The following PRDM16 variants were observed in gnomAD, a reference collection of about 807,000 sequenced individuals.
PRDM16 encodes the protein PR/SET domain 16, also known as histone-lysine N-methyltransferase PRDM16.
PRDM16 carries 23 observed loss-of-function variants against 110.6 expected under a neutral mutation model. The observed-to-expected ratio is 0.21, with a 90% CI of 0.15 to 0.29. The LOEUF (loss-of-function observed/expected upper bound fraction) is 0.29, where lower values mean the gene tolerates loss of function less well. Ranked by LOEUF, PRDM16 falls within the 10% of genes least tolerant of loss-of-function variation. The probability of loss-of-function intolerance (pLI) is 1.00; values close to 1 mark genes in which losing one functional copy is unlikely to be tolerated. For missense variants in PRDM16, 1,615 were observed against 1,794.3 expected, an observed-to-expected ratio of 0.90 and a Z score of 1.81; for synonymous variants, 799 against 781.8, an observed-to-expected ratio of 1.02 and a Z score of -0.37.
At chr1:3,364,935 G>A (rs978688861) in intron 3 of PRDM16, among the ~76,000 whole-genome samples, 6 of 152,202 alleles carry the variant, frequency 3.9e-5, no homozygotes, top group Admixed American at 1.3e-4. Context: ...GTGTGTGTAC[G>A]CCGTCCCTCA....
Position 3,255,967 on chromosome 1 carries a change from C to T in PRDM16, c.438+11830C>T, listed in dbSNP as rs372059691. Among the ~76,000 whole-genome samples the T allele has an allele frequency of 9.2e-5, 14 of 152,236 alleles. No homozygotes were observed. Among genetic ancestry groups the T allele is most frequent in the South Asian group, 2.1e-4 (1 of 4,818 alleles). The stretch of plus-strand genomic sequence containing the variant: ...CAACAGTACAGGGTGGAACGAGCTC[C>T]GCCTCTCAGGGGAGGGACAGGATTA... On this transcript the variant is annotated intron_variant, in intron 3 of 16. Coordinates refer to ENST00000270722, the MANE Select transcript of PRDM16 (RefSeq NM_022114.4). The surrounding 1 kb of genome is among the most constrained non-coding windows in gnomAD (Gnocchi z 4.7).
At chr1:3,104,426 AG>A (rs571091410) in intron 1 of PRDM16, among the ~76,000 whole-genome samples, 1 of 152,196 alleles carries the variant, frequency 6.6e-6, no homozygotes, top group South Asian at 2.1e-4. Context: ...TCCAGTGAAC[AG>A]GCAGAGGCTG....
chr1:3,233,891 TAA>T (rs35006296), intron 2 of PRDM16, among the ~76,000 whole-genome samples: 5 of 144,202 alleles, frequency 3.5e-5, no homozygotes, highest in African/African-American at 5.1e-5. Flanking sequence ...GGGGTTTTTT[TAA>T]AAAAAAAAAA....
intron 1 of PRDM16, among the ~76,000 whole-genome samples, chr1:3,092,766 G>A (rs1642306955): frequency 6.6e-6 from 1 of 152,130 alleles, no homozygotes; most frequent in Admixed American, 6.5e-5. Flanking sequence ...GGGTCTCCCG[G>A]CAGCTCTAGG....
In PRDM16 at chr1:3,069,595, T is replaced by G. The variant is rs572958176; in HGVS notation, c.37+299T>G. Among the ~76,000 whole-genome samples, 2 of 144,382 alleles carry G rather than the reference T, an allele frequency of 1.4e-5. No individual in the cohort carries two copies. The highest frequency in any genetic ancestry group is 1.5e-5 in the Non-Finnish European group (1 of 65,082). The allele number at this position is 144,382 out of a possible 152,430, so 94.7% of individuals were successfully genotyped here. A position where few individuals can be genotyped will look rare whatever the true frequency, so the allele number is the denominator to read the frequency against. ...GGGCCCGGGAACCCGAGGCGCGCGG[T>G]GGGGGCCGGGGAGGGGGGCGGAGGG... is the stretch of plus-strand genomic sequence containing the variant. On this transcript the variant is annotated intron_variant, in intron 1 of 16. Transcript: ENST00000270722. This position sits in a 1 kb window ranked among gnomAD's most constrained non-coding sequence, Gnocchi z 6.1.
chr1:3,341,349 G>T (rs935672331), intron 3 of PRDM16, among the ~76,000 whole-genome samples: 3 of 152,222 alleles, frequency 2.0e-5, no homozygotes, highest in African/African-American at 7.2e-5. Flanking sequence ...CCTGGGCCTT[G>T]TGGTTGCAGC....
chr1:3,203,643 C>T (rs1638683645), intron 2 of PRDM16, among the ~76,000 whole-genome samples: 3 of 152,206 alleles, frequency 2.0e-5, no homozygotes, highest in Middle Eastern at 3.2e-3. Flanking sequence ...ACGGTGCCCT[C>T]GAGGCCTCTG....
intron 3 of PRDM16, among the ~76,000 whole-genome samples, chr1:3,360,032 G>A (rs774049681): frequency 9.3e-5 from 13 of 140,382 alleles, no homozygotes; most frequent in African/African-American, 1.3e-4. Flanking sequence ...TCCCGTTAGC[G>A]GGCCGCCATC....
At chr1:3,380,787 AG>A in intron 3 of PRDM16, among the ~76,000 whole-genome samples, 1 of 152,334 alleles carries the variant, frequency 6.6e-6, no homozygotes, top group East Asian at 1.9e-4. Flanking sequence ...CATTACAAGA[AG>A]GGAGAGCCTA....
chr1:3,251,940 G>A (rs1008407153), intron 3 of PRDM16, among the ~76,000 whole-genome samples: 6 of 152,278 alleles, frequency 3.9e-5, no homozygotes, highest in South Asian at 2.1e-4. Flanking sequence ...TGGTTTGGGC[G>A]GGGAGTTCTC....
At chr1:3,164,652 G>A (rs1446762377) in intron 1 of PRDM16, among the ~76,000 whole-genome samples, 4 of 152,188 alleles carry the variant, frequency 2.6e-5, no homozygotes, top group Admixed American at 6.5e-5. Flanking sequence ...CACTAAACGC[G>A]GACGGCAGGC....
chr1:3,368,449 G>T (rs1049785918), intron 3 of PRDM16, among the ~76,000 whole-genome samples: 1 of 152,204 alleles, frequency 6.6e-6, no homozygotes, highest in African/African-American at 2.4e-5. Flanking sequence ...CTGAGCATCT[G>T]TGAAGGATCC....
At chr1:3,336,232 G>A (rs1435553468) in intron 3 of PRDM16, among the ~76,000 whole-genome samples, 2 of 152,228 alleles carry the variant, frequency 1.3e-5, no homozygotes, top group Non-Finnish European at 2.9e-5. Context: ...GTGTGCACGT[G>A]CGTATATATG....
intron 3 of PRDM16, among the ~76,000 whole-genome samples, chr1:3,254,366 AATTGTCCCTG>A (rs1195024957): frequency 1.6e-4 from 24 of 152,170 alleles, no homozygotes; most frequent in Non-Finnish European, 3.5e-4. Context: ...GAGGAAGTCA[AATTGTCCCTG>A]TTTGCAGATG....
At chr1:3,259,128 GA>G (rs1321912169) in intron 3 of PRDM16, among the ~76,000 whole-genome samples, 43 of 152,308 alleles carry the variant, frequency 2.8e-4, no homozygotes, top group African/African-American at 9.9e-4. Flanking sequence ...GAGCTGCAGG[GA>G]TGAGCAGTAC....
chr1:3,426,017 G>C (rs756690664), intron 13 of PRDM16, 34 bp from the exon 14 acceptor site: 3 of 1,591,882 alleles, frequency 1.9e-6, no homozygotes, highest in Admixed American at 3.5e-5. Flanking sequence ...GGTCCAGCGA[G>C]AGGCCGCCCC....
At chr1:3,412,877 G>A in intron 9 of PRDM16, 77 bp downstream of exon 9, 1 of 1,225,104 alleles carries the variant, frequency 8.2e-7, no homozygotes, top group East Asian at 2.9e-5. Context: ...GTGCATGGTG[G>A]TGTCTCTTTC....
chr1:3,200,628 C>T (rs1638599937), intron 2 of PRDM16, among the ~76,000 whole-genome samples: 1 of 152,246 alleles, frequency 6.6e-6, no homozygotes, highest in Non-Finnish European at 1.5e-5. Context: ...AGGCGTGAGC[C>T]ACCGCGCCCA....
intron 3 of PRDM16, among the ~76,000 whole-genome samples, chr1:3,296,780 C>T (rs1314716830): frequency 6.6e-6 from 1 of 152,196 alleles, no homozygotes; most frequent in Non-Finnish European, 1.5e-5. Context: ...TCTCGTGTGC[C>T]ATTGTTAAGT....
Sources: gnomAD v4.1 joint callset for allele counts (sites outside exome capture counted in the v4.1 genomes callset) on GRCh38, gnomAD v4.1.1 for gene constraint, Gnocchi (gnomAD v3.1) non-coding constraint, MANE v1.5 for transcripts, NCBI Gene and HGNC (gene_info 2026-07-23, HGNC 2026-07-21) for gene names.